Variants in IMPDH1 observed in about 807,000 individuals in gnomAD.
IMPDH1 encodes inosine-5'-monophosphate dehydrogenase 1.
In IMPDH1, 41 loss-of-function variants were observed where a neutral mutation model predicts 73.5. The observed-to-expected ratio is 0.56, with a 90% CI of 0.43 to 0.72. The LOEUF is 0.72. Among genes scored for constraint, IMPDH1 ranks in the 30% least tolerant of loss-of-function variants. The pLI, the probability that IMPDH1 is intolerant of heterozygous loss-of-function variation, is 0.00. For missense variants in IMPDH1, 645 were observed against 824.8 expected, an observed-to-expected ratio of 0.78 and a Z score of 2.67; for synonymous variants, 318 against 334.3, an observed-to-expected ratio of 0.95 and a Z score of 0.53.
intron 4 of IMPDH1, among the ~76,000 whole-genome samples, chr7:128,405,205 G>A (rs904575478): frequency 2.0e-5 from 3 of 152,222 alleles, no homozygotes; most frequent in Admixed American, 6.5e-5. Flanking sequence ...CCCCATGTAG[G>A]GTGGGCTTAG....
intron 4 of IMPDH1, among the ~76,000 whole-genome samples, chr7:128,404,172 G>A (rs1263600269): frequency 3.3e-5 from 5 of 152,148 alleles, no homozygotes; most frequent in East Asian, 1.9e-4. Flanking sequence ...ATTTTGTGGC[G>A]CTCAACACAG....
chr7:128,393,702 C>T (rs956332254), intron 16 of IMPDH1: 2 of 190,450 alleles, frequency 1.1e-5, no homozygotes, highest in South Asian at 1.1e-4. Context: ...ACGCTTGGCC[C>T]GGGCAGCGCG....
rs1797946234 is a variant in IMPDH1 at position 128,396,754 on chromosome 7, A to G, written c.1166-59T>C. The G allele has an allele frequency of 9.0e-6, 13 of 1,439,398 alleles. No individual in the cohort carries two copies. The highest frequency in any genetic ancestry group is 1.2e-5 in the Non-Finnish European group (13 of 1,045,854). The allele number at this position is 1,439,398 out of a possible 1,614,324, so 89.2% of individuals were successfully genotyped here. ...AGGATGGGATGCCCCTGCCTGCCCA[A>G]CAGCCTCTTGGGACCCCAGTCTAGC... On this transcript the variant is annotated intron_variant, in intron 11 of 16. Transcript: ENST00000338791. The surrounding 1 kb of genome is among the most constrained non-coding windows in gnomAD (Gnocchi z 4.0).
intron 9 of IMPDH1, 87 bp downstream of exon 9, chr7:128,400,008 G>A (rs969211718): frequency 1.5e-5 from 16 of 1,066,252 alleles, no homozygotes; most frequent in Non-Finnish European, 1.9e-5. Context: ...CTGGTTGCTG[G>A]GATAACCTGT....
Position 128,394,736 on chromosome 7 carries a change from G to T in IMPDH1, c.1551-137C>A. Reference sequence around the variant, plus strand: ...TCACTGGGCTGAGTCAGATGGCCCAGGGACAGATCCTGGGTCTGCTACTTA... The same window carrying T: ...TCACTGGGCTGAGTCAGATGGCCCATGGACAGATCCTGGGTCTGCTACTTA... On this transcript the variant is annotated intron_variant, in intron 14 of 16. Transcript: ENST00000338791. This position sits in a 1 kb window ranked among gnomAD's most constrained non-coding sequence, Gnocchi z 5.5. The T allele has an allele frequency of 7.2e-7, 1 of 1,396,744 alleles. No individual in the cohort carries two copies. Among genetic ancestry groups the T allele is most frequent in the Non-Finnish European group, 1.0e-6 (1 of 1,001,778 alleles). The allele number at this position is 1,396,744 out of a possible 1,614,324, so 86.5% of individuals were successfully genotyped here. A position where few individuals can be genotyped will look rare whatever the true frequency, so the allele number is the denominator to read the frequency against.
intron 3 of IMPDH1, 22 bp from the exon 4 acceptor site, chr7:128,405,887 C>T (rs1419399347): frequency 6.6e-7 from 1 of 1,505,240 alleles, no homozygotes; most frequent in Admixed American, 2.1e-5. Context: ...CCCCGCGACC[C>T]GACATAAACA....
chr7:128,406,246 T>G (rs1331897177), intron 3 of IMPDH1, among the ~76,000 whole-genome samples: 41 of 138,574 alleles, frequency 3.0e-4, no homozygotes, highest in Admixed American at 1.0e-3. Context: ...CCTCCGCCGC[T>G]CTACATCCAG....
At chr7:128,407,287 C>T (rs530395015) in intron 3 of IMPDH1, among the ~76,000 whole-genome samples, 2 of 152,290 alleles carry the variant, frequency 1.3e-5, no homozygotes, top group Non-Finnish European at 2.9e-5. Flanking sequence ...CTCCAAGCCA[C>T]GAGGTTCCCT....
intron 3 of IMPDH1, 122 bp from the exon 4 acceptor site, chr7:128,405,987 G>A (rs1455376150): frequency 4.9e-5 from 40 of 809,092 alleles, no homozygotes; most frequent in Non-Finnish European, 2.5e-5. Flanking sequence ...GGCCGGGCGG[G>A]CCGGGGGCGG....
chr7:128,409,766 C>T lies in IMPDH1; in HGVS notation c.136G>A (p.Glu46Lys), dbSNP rs1361727945. The change falls in exon 1 of 17, where the codon GAG becomes AAG. Residue 46 changes from glutamate (E) to lysine (K), a missense_variant. By Grantham distance (56) the Glu-to-Lys change is moderately conservative. This residue lies in a region of IMPDH1 where 186 missense variants were observed against 186.6 expected (regional missense o/e 1.00). Transcript: ENST00000338791. ...TGCCCTGGGCGTCACCTCTCGGGCT[C>T]GTAGCCGGCCTGCAGCAGTCGGGCG... ...YSARLLQAGY[E>K]PESPRLDLAT... The T allele has an allele frequency of 1.3e-6, 2 of 1,521,988 alleles. No homozygotes were observed. The highest frequency in any genetic ancestry group is 1.8e-6 in the Non-Finnish European group (2 of 1,141,236). 94.3% of individuals were successfully genotyped at this position (1,521,988 alleles called of 1,614,324 possible).
Position 128,394,622 on chromosome 7 carries a change from A to T in IMPDH1, c.1551-23T>A, listed in dbSNP as rs755721715. 1.1e-5 allele frequency: 18 copies of T among 1,612,408 alleles called. No homozygotes were observed. Among genetic ancestry groups the T allele is most frequent in the Non-Finnish European group, 1.5e-5 (18 of 1,179,934 alleles). On this transcript the variant is annotated intron_variant, in intron 14 of 16. Coordinates refer to ENST00000338791, the MANE Select transcript of IMPDH1 (RefSeq NM_000883.4). The surrounding 1 kb of genome is among the most constrained non-coding windows in gnomAD (Gnocchi z 5.5). Reference sequence around the variant, plus strand: ...TCGCTGCGTGGAGGGTGGAAGACTGAGCCCAGCAGCTTGAAGCTCAGAGGA... The same window carrying T: ...TCGCTGCGTGGAGGGTGGAAGACTGTGCCCAGCAGCTTGAAGCTCAGAGGA...
chr7:128,395,079 C>G (rs1335669370), intron 13 of IMPDH1, 46 bp from the exon 14 acceptor site: 1 of 1,613,926 alleles, frequency 6.2e-7, no homozygotes. Flanking sequence ...TAGTGCCACC[C>G]CCCCAGCTTC....
At position 128,394,786 on chromosome 7, in the gene IMPDH1, C is replaced by G; in HGVS notation, c.1550+103G>C. The G allele has an allele frequency of 6.7e-7, 1 of 1,494,428 alleles. No homozygotes were observed. The highest frequency in any genetic ancestry group is 1.4e-5 in the African/African-American group (1 of 72,706). The allele number at this position is 1,494,428 out of a possible 1,614,324, so 92.6% of individuals were successfully genotyped here. A position where few individuals can be genotyped will look rare whatever the true frequency, so the allele number is the denominator to read the frequency against. On this transcript the variant is annotated intron_variant, in intron 14 of 16. Coordinates refer to ENST00000338791, the MANE Select transcript of IMPDH1 (RefSeq NM_000883.4). This position sits in a 1 kb window ranked among gnomAD's most constrained non-coding sequence, Gnocchi z 5.5. ...AAGCCCTGTGCCTCAGTTTCCAGAA[C>G]CACCATATGGGGACTGGCTGCCATC...
chr7:128,400,857 C>A lies in IMPDH1; in HGVS notation c.539G>T (p.Cys180Phe). 1 of 1,614,168 alleles carries A rather than the reference C, an allele frequency of 6.2e-7. No homozygotes were observed. The highest frequency in any genetic ancestry group is 8.5e-7 in the Non-Finnish European group (1 of 1,179,998). ...MGGIGFIHHN[C>F]TPEFQANEVR... Reference sequence around the variant, plus strand: ...CTCGTTGGCCTGGAACTCTGGGGTGCAGTTGTGGTGAATGAAACCAATACC... The same window carrying A: ...CTCGTTGGCCTGGAACTCTGGGGTGAAGTTGTGGTGAATGAAACCAATACC... Residue 180 changes from cysteine to phenylalanine, a missense_variant, in exon 7 of 17, where the codon TGC becomes TTC. By Grantham distance (205) the Cys-to-Phe change is radical. This residue lies in a region of IMPDH1 where 459 missense variants were observed against 638.2 expected (regional missense o/e 0.72). Coordinates refer to ENST00000338791, the MANE Select transcript of IMPDH1 (RefSeq NM_000883.4).
At chr7:128,404,629 G>T (rs946784159) in intron 4 of IMPDH1, among the ~76,000 whole-genome samples, 1 of 152,124 alleles carries the variant, frequency 6.6e-6, no homozygotes, top group Non-Finnish European at 1.5e-5. Flanking sequence ...CAGGGTGGAG[G>T]GGGGTGGGTC....
intron 8 of IMPDH1, 43 bp downstream of exon 8, chr7:128,400,290 G>T: frequency 6.2e-7 from 1 of 1,606,496 alleles, no homozygotes; most frequent in African/African-American, 1.3e-5. Context: ...CAGCGTGAGG[G>T]TCCTCTCTAC....
In IMPDH1 at chr7:128,400,349, G is replaced by T. The variant is rs768530723; in HGVS notation, c.770C>A (p.Thr257Asn). Residue 257 changes from threonine to asparagine, a missense_variant, in exon 8 of 17, where the codon ACC (threonine) becomes AAC (asparagine). By Grantham distance (65) the Thr-to-Asn change is moderately conservative. Coordinates refer to ENST00000338791, the MANE Select transcript of IMPDH1 (RefSeq NM_000883.4). ...DIDFLAEKDH[T>N]TLLSEVMTPR... ...TGCAGGTACCTCACTGAGGAGGGTG[G>T]TGTGGTCCTTCTCAGCAAGAAAGTC... 6.2e-7 allele frequency: 1 copy of T among 1,613,314 alleles called. No individual in the cohort carries two copies. The highest frequency in any genetic ancestry group is 1.3e-5 in the African/African-American group (1 of 74,908).
intron 3 of IMPDH1, among the ~76,000 whole-genome samples, chr7:128,406,872 C>T (rs1798812923): frequency 6.6e-6 from 1 of 152,142 alleles, no homozygotes; most frequent in Non-Finnish European, 1.5e-5. Flanking sequence ...GACAAGTGTG[C>T]ATACAAATAA....
rs899506700 is a variant in IMPDH1 at position 128,394,822 on chromosome 7, G to A, written c.1550+67C>T. ...GGACTGGCTGCCATCTGGGGAAGTC[G>A]GTGGCATGAGCGGGCCCTGAAGGGT... On this transcript the variant is annotated intron_variant, in intron 14 of 16. Coordinates refer to ENST00000338791, the MANE Select transcript of IMPDH1 (RefSeq NM_000883.4). The surrounding 1 kb of genome is among the most constrained non-coding windows in gnomAD (Gnocchi z 5.5). 2.2e-5 allele frequency: 35 copies of A among 1,584,378 alleles called. 1 individual carries two copies. Among genetic ancestry groups the A allele is most frequent in the East Asian group, 4.5e-5 (2 of 44,770 alleles).
Sources: gnomAD v4.1 joint callset for allele counts (sites outside exome capture counted in the v4.1 genomes callset) on GRCh38, gnomAD v4.1.1 for gene constraint, gnomAD v4.1.1 regional missense constraint, Gnocchi (gnomAD v3.1) non-coding constraint, MANE v1.5 for transcripts, NCBI Gene and HGNC (gene_info 2026-07-23, HGNC 2026-07-21) for gene names.